The following TEX35 variants were observed in gnomAD, a reference collection of about 807,000 sequenced individuals.
TEX35 encodes testis expressed 35.
Under a neutral mutation model 31.9 loss-of-function variants are expected in TEX35, and 26 were observed. The ratio of observed to expected loss-of-function variants is 0.81; its 90% CI spans 0.60 to 1.13. The LOEUF is 1.13. Among genes scored for constraint, TEX35 ranks in the 50% most tolerant of loss-of-function variants. The pLI, the probability that TEX35 is intolerant of heterozygous loss-of-function variation, is 0.00. For synonymous variants in TEX35, 87 were observed against 90.7 expected, an observed-to-expected ratio of 0.96 and a Z score of 0.23; for missense variants, 278 against 273.5, an observed-to-expected ratio of 1.02 and a Z score of -0.12.
intron 8 of TEX35, chr1:178,522,042 A>G: frequency 1.5e-6 from 1 of 651,914 alleles, no homozygotes; most frequent in Non-Finnish European, 2.5e-6. Flanking sequence ...CCCTGATGAT[A>G]GCGGACGCCA....
At chr1:178,519,939 T>C (rs1650204714) in intron 5 of TEX35, among the ~76,000 whole-genome samples, 1 of 152,214 alleles carries the variant, frequency 6.6e-6, no homozygotes, top group African/African-American at 2.4e-5. Flanking sequence ...TGCCAGGAAT[T>C]AGGTAAAAGA....
intron 8 of TEX35, chr1:178,521,947 T>C: frequency 8.9e-7 from 1 of 1,129,778 alleles, no homozygotes; most frequent in Non-Finnish European, 1.2e-6. Flanking sequence ...AATTACATCT[T>C]AGTCATCTTA....
intron 2 of TEX35, 37 bp downstream of exon 2, chr1:178,514,114 C>T (rs1558036367): frequency 6.2e-7 from 1 of 1,614,118 alleles, no homozygotes; most frequent in East Asian, 2.2e-5. Context: ...GGCAGCCAGG[C>T]CTGAGATCCA....
intron 5 of TEX35, among the ~76,000 whole-genome samples, chr1:178,518,102 C>A (rs911615914): frequency 2.6e-5 from 4 of 152,032 alleles, no homozygotes; most frequent in Non-Finnish European, 4.4e-5. Context: ...TGTGAACAGA[C>A]AATCCACAGA....
chr1:178,520,319 T>G (rs1572176870), intron 5 of TEX35, 53 bp from the exon 6 acceptor site: 1 of 1,551,352 alleles, frequency 6.4e-7, no homozygotes, highest in Non-Finnish European at 8.8e-7. Flanking sequence ...AGGAGGAAGG[T>G]ATTTCCAAAG....
intron 8 of TEX35, chr1:178,521,868 A>G (rs1011014107): frequency 1.4e-6 from 2 of 1,476,446 alleles, no homozygotes; most frequent in African/African-American, 1.4e-5. Context: ...GAGGTTGATT[A>G]TTTTTGGTTC....
intron 5 of TEX35, among the ~76,000 whole-genome samples, chr1:178,517,073 CAG>C (rs1650103999): frequency 6.6e-6 from 1 of 152,198 alleles, no homozygotes; most frequent in African/African-American, 2.4e-5. Context: ...ACTAATAAAA[CAG>C]AGCCTGGGCT....
intron 8 of TEX35, chr1:178,521,885 A>C: frequency 7.0e-7 from 1 of 1,427,340 alleles, no homozygotes; most frequent in Non-Finnish European, 9.2e-7. Flanking sequence ...GTTCTATATC[A>C]GTGTATTTCA....
Position 178,520,850 on chromosome 1 carries a change from C to T in TEX35, c.519C>T (p.Pro173=), listed in dbSNP as rs1000281580. The change falls in exon 7 of 9, where the codon CCC becomes CCT. Residue 173 remains proline, a synonymous_variant. Transcript: ENST00000319416. Reference sequence around the variant, plus strand: ...AAACAAAACAGGGCTCACTGGATCCCCTTCATCACTGTGGGACCTGCTGCG... The same window carrying T: ...AAACAAAACAGGGCTCACTGGATCCTCTTCATCACTGTGGGACCTGCTGCG... ...PQKTKQGSLD[P]LHHCGTCCEK... The T allele has an allele frequency of 5.6e-6, 9 of 1,614,188 alleles. No individual in the cohort carries two copies. The highest frequency in any genetic ancestry group is 7.6e-6 in the Non-Finnish European group (9 of 1,180,042).
chr1:178,514,062 GC>G lies in TEX35; in HGVS notation c.77del (p.Pro26GlnfsTer23). The G allele has an allele frequency of 6.2e-7, 1 of 1,614,224 alleles. No homozygotes were observed. The highest frequency in any genetic ancestry group is 8.5e-7 in the Non-Finnish European group (1 of 1,180,044). ...NYKAVCLELK[P>X]EPTKTFDYKA... The stretch of plus-strand genomic sequence containing the variant: ...ACAAGGCAGTTTGCCTGGAATTGAA[GC>G]CAGAGCCGACCAAAGTAAGAAGCCC... On this transcript the variant is annotated frameshift_variant, in exon 2 of 9. Coordinates refer to ENST00000319416, the MANE Select transcript of TEX35 (RefSeq NM_032126.5). LOFTEE classifies it high-confidence loss of function.
At position 178,513,226 on chromosome 1, in the gene TEX35, T is replaced by A; in HGVS notation, c.38T>A (p.Leu13Gln). 1 of 1,614,224 alleles carries A rather than the reference T, an allele frequency of 6.2e-7. No individual in the cohort carries two copies. The highest frequency in any genetic ancestry group is 8.5e-7 in the Non-Finnish European group (1 of 1,180,030). The change falls in exon 1 of 9, where the codon CTG becomes CAG. Residue 13 changes from leucine to glutamine, a missense_variant and splice_region_variant. By Grantham distance (113) the Leu-to-Gln change is moderately radical. Coordinates refer to ENST00000319416, the MANE Select transcript of TEX35 (RefSeq NM_032126.5). ...AGGGCAGAATTGAAGAAAACACATC[T>A]GGTAAAAGAGAGACATTGCTGGACA... ...AKRAELKKTHLSKNYKAVCLE... is the reference protein window; with the variant it reads ...AKRAELKKTHQSKNYKAVCLE...
At chr1:178,513,319 G>T in intron 1 of TEX35, 92 bp downstream of exon 1, 3 of 1,489,564 alleles carry the variant, frequency 2.0e-6, no homozygotes, top group Non-Finnish European at 2.8e-6. Flanking sequence ...GAGAATGCTC[G>T]CATGAATCTC....
Position 178,522,508 on chromosome 1 carries a change from T to C in TEX35, c.*68T>C. On this transcript the variant is annotated 3_prime_UTR_variant, in exon 9 of 9. Coordinates refer to ENST00000319416, the MANE Select transcript of TEX35 (RefSeq NM_032126.5). ...GCAAACAGTGTTTCAGAAACTGTCC[T>C]GCCCTGGGTGTGATTCTTTGGCTTC... 1.4e-6 allele frequency: 2 copies of C among 1,432,500 alleles called. No individual in the cohort carries two copies. Among genetic ancestry groups the C allele is most frequent in the Non-Finnish European group, 1.9e-6 (2 of 1,079,156 alleles). The allele number at this position is 1,432,500 out of a possible 1,614,324, so 88.7% of individuals were successfully genotyped here. A position where few individuals can be genotyped will look rare whatever the true frequency, so the allele number is the denominator to read the frequency against.
chr1:178,521,912 C>T (rs1236978109), intron 8 of TEX35: 5 of 1,309,440 alleles, frequency 3.8e-6, no homozygotes, highest in Admixed American at 2.8e-5. Context: ...AACCCTTCCC[C>T]CTGCTTCCTG....
chr1:178,521,851 G>A (rs893783884), intron 8 of TEX35: 1 of 1,495,576 alleles, frequency 6.7e-7, no homozygotes, highest in African/African-American at 1.4e-5. Flanking sequence ...CAAAACTTGA[G>A]TGTGTGGAGG....
chr1:178,519,028 G>C (rs1274078055), intron 5 of TEX35, among the ~76,000 whole-genome samples: 1 of 152,182 alleles, frequency 6.6e-6, no homozygotes, highest in East Asian at 1.9e-4. Context: ...ACTTGGTTCT[G>C]TGAGCAGCAA....
In TEX35 at chr1:178,520,384, G is replaced by T. The variant is rs139746729; in HGVS notation, c.289G>T (p.Asp97Tyr). ...TTCTCTCTCGAAGGAAATGCAGAAA[G>T]ATATGGATGAGAAGATGGACATTTT... ...FVEIMKEMQK[D>Y]MDEKMDILIN... The change falls in exon 6 of 9, where the codon GAT (aspartate) becomes TAT (tyrosine). Residue 97 changes from aspartate to tyrosine, a missense_variant. Asp to Tyr is a radical substitution (Grantham distance 160, BLOSUM62 -3). Transcript: ENST00000319416. 10 of 1,613,880 alleles carry T rather than the reference G, an allele frequency of 6.2e-6. No individual in the cohort carries two copies. The highest frequency in any genetic ancestry group is 2.2e-5 in the East Asian group (1 of 44,886).
chr1:178,513,651 A>G (rs1649956503), intron 1 of TEX35, among the ~76,000 whole-genome samples: 2 of 152,262 alleles, frequency 1.3e-5, no homozygotes, highest in Non-Finnish European at 2.9e-5. Flanking sequence ...AATAACAGAG[A>G]TAGTAGAGAG....
intron 8 of TEX35, chr1:178,521,837 A>G: frequency 6.6e-7 from 1 of 1,524,986 alleles, no homozygotes; most frequent in Non-Finnish European, 8.8e-7. Context: ...TTTGAGTACC[A>G]GTCCAAAACT....
Sources: allele counts gnomAD v4.1 joint callset (sites outside exome capture counted in the v4.1 genomes callset), GRCh38; gene constraint gnomAD v4.1.1; transcripts MANE v1.5; gene names NCBI Gene and HGNC (gene_info 2026-07-23, HGNC 2026-07-21).